ROBO2: variants seen among roughly 807,000 people sequenced by gnomAD.
ROBO2 encodes roundabout guidance receptor 2, also known as roundabout homolog 2.
A neutral mutation model predicts 160.8 loss-of-function variants in ROBO2; 53 were observed. The observed-to-expected ratio is 0.33, with a 90% CI of 0.26 to 0.41. ROBO2 has a LOEUF of 0.41. ROBO2 is among the 10% of genes least tolerant of loss of function. The pLI is 1.00. For missense variants in ROBO2, 1,577 were observed against 1,722.4 expected (o/e 0.92, Z 1.49); for synonymous variants, 664 against 611.7 (o/e 1.09, Z -1.26).
intron 6 of ROBO2, among the ~76,000 whole-genome samples, chr3:77,537,597 A>C (rs1184961481): frequency 6.6e-6 from 1 of 152,184 alleles, no homozygotes; most frequent in East Asian, 1.9e-4. Flanking sequence ...ACATTGAAGA[A>C]GCACATACAT....
At chr3:76,378,477 G>T (rs918769717) in intron 2 of ROBO2, among the ~76,000 whole-genome samples, 1 of 152,104 alleles carries the variant, frequency 6.6e-6, no homozygotes, top group African/African-American at 2.4e-5. Context: ...AACGTTCGAC[G>T]AGTAGGAGAT....
intron 2 of ROBO2, among the ~76,000 whole-genome samples, chr3:76,502,081 A>G (rs1211012668): frequency 6.9e-6 from 1 of 144,446 alleles, no homozygotes. Flanking sequence ...TATATGATAC[A>G]GTGTTAATTT....
intron 2 of ROBO2, among the ~76,000 whole-genome samples, chr3:76,657,770 A>C (rs997495814): frequency 2.0e-5 from 3 of 147,144 alleles, no homozygotes; most frequent in African/African-American, 5.0e-5. Flanking sequence ...ATATATGTTC[A>C]TAGGTATGTG....
At chr3:77,071,894 C>G (rs1464609193) in intron 1 of ROBO2, among the ~76,000 whole-genome samples, 1 of 152,102 alleles carries the variant, frequency 6.6e-6, no homozygotes, top group Non-Finnish European at 1.5e-5. Flanking sequence ...CATCTTCTAG[C>G]TACACTGACA....
At chr3:76,423,471 T>C (rs1169738569) in intron 2 of ROBO2, among the ~76,000 whole-genome samples, 1 of 151,956 alleles carries the variant, frequency 6.6e-6, no homozygotes, top group Admixed American at 6.6e-5. Flanking sequence ...TGAGAATAGC[T>C]GAGTAGATGG....
chr3:75,968,618 A>G (rs2064884141), intron 2 of ROBO2, among the ~76,000 whole-genome samples: 1 of 151,626 alleles, frequency 6.6e-6, no homozygotes, highest in African/African-American at 2.4e-5. Flanking sequence ...ATACTTTTAG[A>G]AAATTTTCAG....
intron 2 of ROBO2, among the ~76,000 whole-genome samples, chr3:77,208,357 T>C (rs1211331506): frequency 1.3e-5 from 2 of 152,244 alleles, no homozygotes; most frequent in African/African-American, 2.4e-5. Context: ...CTATGTTACA[T>C]AGATACATCA....
intron 2 of ROBO2, among the ~76,000 whole-genome samples, chr3:76,412,235 C>G (rs760493038): frequency 4.7e-5 from 7 of 147,862 alleles, no homozygotes; most frequent in Non-Finnish European, 7.4e-5. Context: ...CCCCCTGGGT[C>G]CCTCCCCCTG....
chr3:77,424,542 AG>A (rs2078003403), intron 2 of ROBO2, among the ~76,000 whole-genome samples: 1 of 152,236 alleles, frequency 6.6e-6, no homozygotes, highest in African/African-American at 2.4e-5. Context: ...AAGTTAGAAT[AG>A]GATTGAAAAT....
At chr3:76,029,144 A>G (rs2066837300) in intron 2 of ROBO2, among the ~76,000 whole-genome samples, 1 of 152,080 alleles carries the variant, frequency 6.6e-6, no homozygotes, top group African/African-American at 2.4e-5. Context: ...AAAGAATTCT[A>G]TCAAGGACCT....
chr3:76,344,420 C>T (rs2074403925), intron 2 of ROBO2, among the ~76,000 whole-genome samples: 1 of 152,094 alleles, frequency 6.6e-6, no homozygotes, highest in Admixed American at 6.6e-5. Flanking sequence ...TGAAATTCTA[C>T]TTTTTTCAAA....
At chr3:76,868,694 G>C (rs1280432057) in intron 2 of ROBO2, among the ~76,000 whole-genome samples, 1 of 151,972 alleles carries the variant, frequency 6.6e-6, no homozygotes, top group African/African-American at 2.4e-5. Context: ...CAGGAATGAA[G>C]GGAAAGTATC....
intron 2 of ROBO2, 25 bp downstream of exon 2, chr3:77,098,365 G>A (rs1396508970): frequency 3.7e-6 from 6 of 1,607,988 alleles, no homozygotes; most frequent in African/African-American, 1.3e-5. Flanking sequence ...TGAACCTCAT[G>A]TGCACATTTA....
At chr3:76,485,971 G>T (rs1429551102) in intron 2 of ROBO2, among the ~76,000 whole-genome samples, 1 of 152,138 alleles carries the variant, frequency 6.6e-6, no homozygotes, top group Non-Finnish European at 1.5e-5. Context: ...AATTATATGA[G>T]ATGTCACTCA....
chr3:76,376,653 C>T (rs763417950), intron 2 of ROBO2, among the ~76,000 whole-genome samples: 14 of 152,054 alleles, frequency 9.2e-5, no homozygotes, highest in Non-Finnish European at 1.3e-4. Flanking sequence ...CTTTATTTTG[C>T]CAGGCTGGCC....
intron 2 of ROBO2, among the ~76,000 whole-genome samples, chr3:77,330,241 G>A (rs1275900257): frequency 2.0e-5 from 3 of 152,112 alleles, no homozygotes; most frequent in Non-Finnish European, 4.4e-5. Context: ...CTTGTGGCTG[G>A]GCACAGTAGC....
intron 2 of ROBO2, among the ~76,000 whole-genome samples, chr3:76,489,124 T>A (rs1245480993): frequency 3.5e-5 from 5 of 142,408 alleles, no homozygotes; most frequent in African/African-American, 1.3e-4. Context: ...AATCTGATGA[T>A]TAGAACACTG....
chr3:76,624,274 C>T (rs2089449722), intron 2 of ROBO2, among the ~76,000 whole-genome samples: 2 of 152,088 alleles, frequency 1.3e-5, no homozygotes, highest in Non-Finnish European at 2.9e-5. Context: ...GGGTCAAGAA[C>T]GGGCAGAACC....
intron 2 of ROBO2, among the ~76,000 whole-genome samples, chr3:77,318,517 T>A (rs569982993): frequency 2.0e-5 from 3 of 152,228 alleles, no homozygotes; most frequent in Non-Finnish European, 4.4e-5. Context: ...ATGTCTGTTC[T>A]GGAATATTAT....
Sources: allele counts gnomAD v4.1 joint callset (sites outside exome capture counted in the v4.1 genomes callset), GRCh38; gene constraint gnomAD v4.1.1; transcripts MANE v1.5; gene names NCBI Gene and HGNC (gene_info 2026-07-23, HGNC 2026-07-21).